C12orf42: variants seen among roughly 807,000 people sequenced by gnomAD.
C12orf42 encodes chromosome 12 open reading frame 42.
A neutral mutation model predicts 21.6 loss-of-function variants in C12orf42; 25 were observed. The ratio of observed to expected loss-of-function variants is 1.16; its 90% CI spans 0.84 to 1.62. C12orf42 has a LOEUF of 1.62. Ranked by LOEUF, C12orf42 falls within the 40% of genes most tolerant of loss-of-function variation. The probability of loss-of-function intolerance (pLI) is 0.00; values close to 1 mark genes in which losing one functional copy is unlikely to be tolerated. For missense variants in C12orf42, 483 were observed against 459.3 expected, an observed-to-expected ratio of 1.05 and a Z score of -0.47; for synonymous variants, 174 against 175.0, an observed-to-expected ratio of 0.99 and a Z score of 0.05.
the C12orf42 span, among the ~76,000 whole-genome samples, chr12:103,152,354 G>A: frequency 6.6e-6 from 1 of 152,056 alleles, no homozygotes; most frequent in South Asian, 2.1e-4. Flanking sequence ...AGAGAGCTAA[G>A]GTAAACAAGT....
chr12:103,494,417 T>C (rs1241318802), intron 1 of C12orf42, among the ~76,000 whole-genome samples: 1 of 152,356 alleles, frequency 6.6e-6, no homozygotes, highest in African/African-American at 2.4e-5. Context: ...CCCTGTATTG[T>C]CCCAACTTTA....
chr12:103,058,327 T>C, the C12orf42 span, among the ~76,000 whole-genome samples: 1 of 152,314 alleles, frequency 6.6e-6, no homozygotes, highest in South Asian at 2.1e-4. Flanking sequence ...GGTTGTTTGT[T>C]TTTTTCTTGT....
At chr12:103,114,247 G>C in the C12orf42 span, among the ~76,000 whole-genome samples, 4 of 152,158 alleles carry the variant, frequency 2.6e-5, no homozygotes, top group East Asian at 5.8e-4. Context: ...TGTGTTTTAC[G>C]TTTTAAAGAA....
intron 10 of C12orf42, among the ~76,000 whole-genome samples, chr12:103,243,172 C>T (rs1260715667): frequency 6.6e-6 from 1 of 151,954 alleles, no homozygotes; most frequent in Non-Finnish European, 1.5e-5. Context: ...TACAGGCACA[C>T]ACCACCATGC....
At chr12:103,088,160 T>C in the C12orf42 span, among the ~76,000 whole-genome samples, 1 of 152,186 alleles carries the variant, frequency 6.6e-6, no homozygotes, top group African/African-American at 2.4e-5. Flanking sequence ...AATCCTAGAA[T>C]GTTAGGAGAA....
intron 2 of C12orf42, among the ~76,000 whole-genome samples, chr12:103,466,176 A>G (rs79563233): frequency 0.075 from 11,483 of 152,230 alleles, 485 homozygotes; most frequent in Middle Eastern, 0.13. Context: ...AAGAAATAGT[A>G]CCAGCTCCTC....
chr12:103,428,429 T>A (rs1377223190), intron 2 of C12orf42, among the ~76,000 whole-genome samples: 1 of 152,130 alleles, frequency 6.6e-6, no homozygotes. Context: ...AGAAGTCGAA[T>A]CCCTGAATAG....
At chr12:103,343,422 T>C (rs1023025967) in intron 4 of C12orf42, among the ~76,000 whole-genome samples, 3 of 152,304 alleles carry the variant, frequency 2.0e-5, no homozygotes, top group South Asian at 2.1e-4. Context: ...GAAGTCATTA[T>C]GTAGTTGAAT....
the C12orf42 span, among the ~76,000 whole-genome samples, chr12:103,077,785 T>C: frequency 6.6e-6 from 1 of 152,192 alleles, no homozygotes; most frequent in Non-Finnish European, 1.5e-5. Context: ...ACTGGCGTTA[T>C]GGAAGGGTTC....
At position 103,306,273 on chromosome 12, in the gene C12orf42, C is replaced by G; in HGVS notation, c.332G>C (p.Arg111Thr). 2 of 1,613,722 alleles carry G rather than the reference C, an allele frequency of 1.2e-6. No individual in the cohort carries two copies. Among genetic ancestry groups the G allele is most frequent in the East Asian group, 2.2e-5 (1 of 44,878 alleles). The part of the protein sequence containing the change: ...LLHTCQYIVP[R>T]CSVSTVSFDE... ...AAAAGAAACTGTGCTTACAGAACACCTGGGGACTATGTACTGGCAAGTATG... is the reference window on the plus strand; with the variant it reads ...AAAAGAAACTGTGCTTACAGAACACGTGGGGACTATGTACTGGCAAGTATG... The change falls in exon 5 of 6, where the codon AGG becomes ACG. Residue 111 changes from arginine to threonine, a missense_variant. Arg to Thr is a moderately conservative substitution (Grantham distance 71, BLOSUM62 -1). Coordinates refer to ENST00000548883, the MANE Select transcript of C12orf42 (RefSeq NM_198521.5).
the C12orf42 span, among the ~76,000 whole-genome samples, chr12:103,124,622 G>C: frequency 1.3e-4 from 20 of 152,236 alleles, no homozygotes; most frequent in African/African-American, 4.6e-4. Context: ...CCTGGATACA[G>C]ATCAGAAAAC....
chr12:103,454,268 C>T (rs1952141336), intron 2 of C12orf42, among the ~76,000 whole-genome samples: 1 of 151,974 alleles, frequency 6.6e-6, no homozygotes, highest in Non-Finnish European at 1.5e-5. Context: ...CACAGCTTTC[C>T]TAGGAATGCC....
chr12:103,385,365 C>T (rs1449969714), intron 3 of C12orf42, among the ~76,000 whole-genome samples: 5 of 152,044 alleles, frequency 3.3e-5, no homozygotes, highest in African/African-American at 9.7e-5. Context: ...AACTGAATAC[C>T]GTGTCAAATC....
chr12:103,446,666 A>C (rs1951593172), intron 2 of C12orf42, among the ~76,000 whole-genome samples: 1 of 151,974 alleles, frequency 6.6e-6, no homozygotes, highest in Admixed American at 6.6e-5. Flanking sequence ...GGGTGGAGAA[A>C]GATATCCATG....
the C12orf42 span, among the ~76,000 whole-genome samples, chr12:103,111,049 C>G: frequency 1.3e-5 from 2 of 152,152 alleles, no homozygotes; most frequent in Non-Finnish European, 1.5e-5. Flanking sequence ...CCAGGAAACT[C>G]AGAGTTCACT....
intron 4 of C12orf42, among the ~76,000 whole-genome samples, chr12:103,282,620 C>A (rs1458149570): frequency 6.6e-6 from 1 of 152,136 alleles, no homozygotes; most frequent in African/African-American, 2.4e-5. Context: ...CCTAATGATG[C>A]ATTTATCAGA....
At chr12:103,538,731 C>G in the C12orf42 span, among the ~76,000 whole-genome samples, 2 of 152,222 alleles carry the variant, frequency 1.3e-5, no homozygotes, top group African/African-American at 2.4e-5. Context: ...CTTTGCCCCC[C>G]TCCCACACCC....
the C12orf42 span, chr12:103,168,022 A>G: frequency 2.2e-6 from 1 of 455,454 alleles, no homozygotes; most frequent in Non-Finnish European, 4.4e-6. Context: ...TAATATGTAC[A>G]TGCATCTCTT....
chr12:103,098,098 A>T, the C12orf42 span, among the ~76,000 whole-genome samples: 2 of 152,250 alleles, frequency 1.3e-5, no homozygotes, highest in Non-Finnish European at 2.9e-5. Flanking sequence ...TTCTAGCATT[A>T]CAAGAAAGTT....
Sources: gnomAD v4.1 joint callset for allele counts (sites outside exome capture counted in the v4.1 genomes callset) on GRCh38, gnomAD v4.1.1 for gene constraint, MANE v1.5 for transcripts, NCBI Gene and HGNC (gene_info 2026-07-23, HGNC 2026-07-21) for gene names.